The following SFMBT2 variants were observed in gnomAD, a reference collection of about 807,000 sequenced individuals.
The protein encoded by SFMBT2 is Scm like with four mbt domains 2.
In SFMBT2, 38 loss-of-function variants were observed where a neutral mutation model predicts 110.1. The observed-to-expected ratio is 0.35, with a 90% confidence interval of 0.27 to 0.45. The LOEUF is 0.45. Ranked by LOEUF, SFMBT2 falls within the 20% of genes least tolerant of loss-of-function variation. The pLI, the probability that SFMBT2 is intolerant of heterozygous loss-of-function variation, is 1.00. For missense variants in SFMBT2, 1,011 were observed against 1,094.9 expected (o/e 0.92, Z 1.08); for synonymous variants, 425 against 425.4 (o/e 1.00, Z 0.01).
chr10:7,373,980 G>A (rs143625532), intron 2 of SFMBT2, among the ~76,000 whole-genome samples: 29 of 152,138 alleles, frequency 1.9e-4, no homozygotes, highest in Middle Eastern at 3.4e-3. Context: ...CATGCAAATC[G>A]AGGCTGGGCG....
chr10:7,361,090 C>T (rs1438561585), intron 4 of SFMBT2, among the ~76,000 whole-genome samples: 1 of 152,142 alleles, frequency 6.6e-6, no homozygotes, highest in African/African-American at 2.4e-5. Flanking sequence ...TCTCTTATTA[C>T]TAAGCTATCT....
chr10:7,388,847 C>A (rs765543939), intron 1 of SFMBT2, among the ~76,000 whole-genome samples: 1 of 152,028 alleles, frequency 6.6e-6, no homozygotes, highest in Non-Finnish European at 1.5e-5. Context: ...GTGGATGTGG[C>A]AGGGTGTTCC....
chr10:7,172,903 A>G lies in SFMBT2; in HGVS notation c.1985-242T>C, dbSNP rs1276187728. On this transcript the variant is annotated intron_variant, in intron 17 of 20. Transcript: ENST00000397167. The surrounding 1 kb of genome is among the most constrained non-coding windows in gnomAD (Gnocchi z 4.6). ...AAGCCCAAACCCCCAAAGTGAGTGT[A>G]TCTGGATGTCCCGAACCCCCAAAGT... is the stretch of plus-strand genomic sequence containing the variant. 6.6e-6 allele frequency among the ~76,000 whole-genome samples: 1 copy of G among 152,166 alleles called. No individual in the cohort carries two copies. Among genetic ancestry groups the G allele is most frequent in the Admixed American group, 6.5e-5 (1 of 15,276 alleles).
At chr10:7,225,796 T>C (rs962563844) in intron 10 of SFMBT2, among the ~76,000 whole-genome samples, 1 of 152,166 alleles carries the variant, frequency 6.6e-6, no homozygotes, top group Non-Finnish European at 1.5e-5. Flanking sequence ...AAGTTAATGA[T>C]TCGGGGAAGG....
chr10:7,390,349 A>G (rs1039338251), intron 1 of SFMBT2, among the ~76,000 whole-genome samples: 5 of 152,210 alleles, frequency 3.3e-5, no homozygotes, highest in Non-Finnish European at 7.3e-5. Context: ...GTTAAAACTC[A>G]TGAATTTTTA....
At chr10:7,337,603 T>C (rs1843755413) in intron 4 of SFMBT2, among the ~76,000 whole-genome samples, 1 of 152,202 alleles carries the variant, frequency 6.6e-6, no homozygotes, top group Admixed American at 6.5e-5. Context: ...TCCACCATGA[T>C]TGTAAGTTTC....
chr10:7,329,012 C>T (rs770457266), intron 4 of SFMBT2, among the ~76,000 whole-genome samples: 63 of 152,302 alleles, frequency 4.1e-4, no homozygotes, highest in Admixed American at 1.0e-3. Context: ...AATTCCCTGC[C>T]GGCTCCTGAA....
intron 4 of SFMBT2, among the ~76,000 whole-genome samples, chr10:7,297,045 C>T (rs1214692275): frequency 6.6e-6 from 1 of 152,200 alleles, no homozygotes; most frequent in Non-Finnish European, 1.5e-5. Flanking sequence ...ATGAGAGTAT[C>T]TATATATACA....
At chr10:7,211,805 G>T (rs1839358636) in intron 11 of SFMBT2, among the ~76,000 whole-genome samples, 1 of 152,178 alleles carries the variant, frequency 6.6e-6, no homozygotes, top group Non-Finnish European at 1.5e-5. Context: ...TCTCCAAAAT[G>T]CATAGTAACT....
At position 7,185,470 on chromosome 10, in the gene SFMBT2, G is replaced by A. The variant is rs187164340; in HGVS notation, c.1808+3154C>T. Among the ~76,000 whole-genome samples the A allele has an allele frequency of 7.2e-5, 11 of 152,126 alleles. No homozygotes were observed. The East Asian group carries it at 2.1e-3, about 29-fold the overall frequency. On this transcript the variant is annotated intron_variant, in intron 16 of 20. Coordinates refer to ENST00000397167, the MANE Select transcript of SFMBT2 (RefSeq NM_001387889.1). The stretch of plus-strand genomic sequence containing the variant: ...AAGGACAAAAATTAAAGTCAAATAA[G>A]TAAAAGCACACACAAAATTAACCAC...
intron 5 of SFMBT2, 127 bp from the exon 6 acceptor site, chr10:7,284,277 C>T: frequency 3.4e-6 from 5 of 1,478,424 alleles, no homozygotes; most frequent in Non-Finnish European, 2.7e-6. Context: ...GTCTGGCGTT[C>T]CCTCCACCCC....
intron 4 of SFMBT2, among the ~76,000 whole-genome samples, chr10:7,312,378 G>C (rs1436785656): frequency 6.6e-6 from 1 of 152,196 alleles, no homozygotes. Context: ...CACGTGATGA[G>C]TCCAGCAGAC....
intron 14 of SFMBT2, chr10:7,198,186 T>C (rs1838838217): frequency 5.1e-6 from 5 of 979,554 alleles, no homozygotes; most frequent in East Asian, 2.3e-4. Flanking sequence ...TTTGTTTGCT[T>C]AACAAGAAGT....
chr10:7,323,039 T>C (rs1290534485), intron 4 of SFMBT2, among the ~76,000 whole-genome samples: 1 of 152,208 alleles, frequency 6.6e-6, no homozygotes. Context: ...ACAGAGAAGT[T>C]GTGGAATAAG....
intron 7 of SFMBT2, chr10:7,263,988 A>G (rs1248459119): frequency 9.0e-6 from 2 of 223,306 alleles, no homozygotes; most frequent in Admixed American, 6.5e-5. Flanking sequence ...ACTGACAGGT[A>G]CATCATTGAA....
chr10:7,286,396 T>C (rs913908349), intron 4 of SFMBT2: 1 of 977,150 alleles, frequency 1.0e-6, no homozygotes, highest in Admixed American at 6.2e-5. Flanking sequence ...TGCAGAGAAA[T>C]GGGCACAAAA....
At chr10:7,334,889 C>T (rs973675273) in intron 4 of SFMBT2, among the ~76,000 whole-genome samples, 1 of 152,180 alleles carries the variant, frequency 6.6e-6, no homozygotes, top group African/African-American at 2.4e-5. Flanking sequence ...CTAGAACCTG[C>T]CATCCAGGAG....
At position 7,388,607 on chromosome 10, in the gene SFMBT2, C is replaced by T. The variant is rs189064483; in HGVS notation, c.-51-6658G>A. ...GCCAGGCTGGTCTCAAACTCCTGGC[C>T]TCAAGTGATCTGTCCGCCTCTGGCT... is the stretch of plus-strand genomic sequence containing the variant. On this transcript the variant is annotated intron_variant, in intron 1 of 20. Transcript: ENST00000397167. Among the ~76,000 whole-genome samples the T allele has an allele frequency of 7.4e-3, 1,108 of 149,550 alleles. 19 individuals carry two copies. The highest frequency in any genetic ancestry group is 0.062 in the South Asian group (289 of 4,666).
intron 15 of SFMBT2, among the ~76,000 whole-genome samples, chr10:7,190,259 C>G (rs918356448): frequency 2.0e-5 from 3 of 152,174 alleles, no homozygotes; most frequent in African/African-American, 7.2e-5. Flanking sequence ...GTACAATTTA[C>G]AGAAACTCAG....
Sources: gnomAD v4.1 joint callset for allele counts (sites outside exome capture counted in the v4.1 genomes callset) on GRCh38, gnomAD v4.1.1 for gene constraint, Gnocchi (gnomAD v3.1) non-coding constraint, MANE v1.5 for transcripts, NCBI Gene and HGNC (gene_info 2026-07-23, HGNC 2026-07-21) for gene names.